The following LAMB3 variants were observed in gnomAD, a reference collection of about 807,000 sequenced individuals.
The protein encoded by LAMB3 is laminin subunit beta 3.
In LAMB3, 104 loss-of-function variants were observed where a neutral mutation model predicts 140.3. That is an observed-to-expected ratio of 0.74 (90% CI 0.63 to 0.87). The LOEUF (loss-of-function observed/expected upper bound fraction) is 0.87. Ranked by LOEUF, LAMB3 falls within the 40% of genes least tolerant of loss-of-function variation. LAMB3 has a pLI of 0.00. For synonymous variants in LAMB3, 592 were observed against 602.9 expected (o/e 0.98, Z 0.26); for missense variants, 1,531 against 1,575.2 (o/e 0.97, Z 0.47).
rs1425157266 is a variant in LAMB3 at position 209,638,633 on chromosome 1, A to G, written c.199T>C (p.Cys67Arg). Residue 67 changes from cysteine (C) to arginine (R), a missense_variant, in exon 4 of 23, where the codon TGC (cysteine) becomes CGC (arginine). Transcript: ENST00000356082. ...TQYGEWQMKC[C>R]KCDSRQPHNY... is the part of the protein sequence containing the mutation. Reference sequence around the variant, plus strand: ...TGAGGCTGCCTGGAGTCACACTTGCAGCATTTCATCTGCCACTGTGGGAGA... The same window carrying G: ...TGAGGCTGCCTGGAGTCACACTTGCGGCATTTCATCTGCCACTGTGGGAGA... 10 of 1,612,986 alleles carry G rather than the reference A, an allele frequency of 6.2e-6. No homozygotes were observed. The highest frequency in any genetic ancestry group is 8.5e-6 in the Non-Finnish European group (10 of 1,179,066).
Position 209,650,958 on chromosome 1 carries a change from G to T in LAMB3, c.-14C>A, listed in dbSNP as rs369316294. ...GAATGGTCTCATCTTCAGCCAATGG[G>T]GTGATCCCCAGAAAGGACCTTTCCT... On this transcript the variant is annotated 5_prime_UTR_variant, in exon 2 of 23. Transcript: ENST00000356082. 94 of 1,613,902 alleles carry T rather than the reference G, an allele frequency of 5.8e-5. No homozygotes were observed. Among genetic ancestry groups the T allele is most frequent in the Non-Finnish European group, 7.5e-5 (88 of 1,179,894 alleles).
At chr1:209,651,310 G>C (rs1461885372) in intron 1 of LAMB3, 1 of 320,982 alleles carries the variant, frequency 3.1e-6, no homozygotes, top group African/African-American at 2.1e-5. Flanking sequence ...AGCAGGAAAA[G>C]GCTGGACCCT....
intron 2 of LAMB3, among the ~76,000 whole-genome samples, chr1:209,650,363 G>A (rs1558170707): frequency 6.6e-6 from 1 of 152,204 alleles, no homozygotes; most frequent in Non-Finnish European, 1.5e-5. Context: ...AAAAACCATA[G>A]ATGACCCTAA....
At position 209,627,339 on chromosome 1, in the gene LAMB3, C is replaced by T; in HGVS notation, c.1485+44G>A. Reference sequence around the variant, plus strand: ...CAGCAGAGAGGCTGGTGCTCAGGACCCCCCTCCCACTGAGGGGGCCCCCGG... The same window carrying T: ...CAGCAGAGAGGCTGGTGCTCAGGACTCCCCTCCCACTGAGGGGGCCCCCGG... On this transcript the variant is annotated intron_variant, in intron 12 of 22. Transcript: ENST00000356082. 3 of 1,525,706 alleles carry T rather than the reference C, an allele frequency of 2.0e-6. No individual in the cohort carries two copies. In the South Asian group the frequency reaches 3.4e-5, roughly 17 times the overall value. 94.5% of individuals were successfully genotyped at this position (1,525,706 alleles called of 1,614,324 possible).
At chr1:209,630,854 C>T (rs1666662681) in intron 8 of LAMB3, 119 bp from the exon 9 acceptor site, 1 of 1,183,558 alleles carries the variant, frequency 8.4e-7, no homozygotes. Context: ...GATCCCAACC[C>T]TTCCAGGAAG....
rs536670980 is a variant in LAMB3, at chr1:209,624,717, A to T, written c.1977-717T>A. 6.6e-5 allele frequency among the ~76,000 whole-genome samples: 10 copies of T among 152,274 alleles called. No individual in the cohort carries two copies. In the South Asian group the frequency reaches 2.1e-3, roughly 32 times the overall value. ...TGTGAAGCCTGCCATGACACATTAT[A>T]ACATGCGTCACATTATAGTTTACCA... On this transcript the variant is annotated intron_variant, in intron 14 of 22. Coordinates refer to ENST00000356082, the MANE Select transcript of LAMB3 (RefSeq NM_000228.3).
intron 18 of LAMB3, among the ~76,000 whole-genome samples, chr1:209,619,273 G>A (rs1315834145): frequency 6.6e-6 from 1 of 152,132 alleles, no homozygotes. Context: ...CCACCCATGT[G>A]CCAAACACTG....
rs1253211334 is a variant in LAMB3, at chr1:209,652,411, G to T, written c.-80C>A. The T allele has an allele frequency of 1.3e-5, 2 of 152,332 alleles. No homozygotes were observed. Among genetic ancestry groups the T allele is most frequent in the African/African-American group, 4.8e-5 (2 of 41,464 alleles). 9.4% of individuals were successfully genotyped at this position (152,332 alleles called of 1,614,324 possible). On this transcript the variant is annotated 5_prime_UTR_variant, in exon 1 of 23. Transcript: ENST00000356082. ...CGTTCTTTCTCCAGATCGCCTGAAA[G>T]CTCCTCTTGAATGTGGGGGTCTCCC...
chr1:209,646,167 A>G (rs2076516148), intron 3 of LAMB3, among the ~76,000 whole-genome samples: 1 of 152,176 alleles, frequency 6.6e-6, no homozygotes, highest in Admixed American at 6.5e-5. Context: ...TGGAGGAGAC[A>G]TTGTCGGGAG....
At chr1:209,615,782 T>G (rs1294835476) in intron 22 of LAMB3, among the ~76,000 whole-genome samples, 1 of 152,240 alleles carries the variant, frequency 6.6e-6, no homozygotes, top group Admixed American at 6.5e-5. Flanking sequence ...GGAACCCTTT[T>G]GAAAGCTACT....
Position 209,638,001 on chromosome 1 carries a change from A to T in LAMB3, c.299-20T>A, listed in dbSNP as rs759841329. ...TCACATCTGGAAGGACAAAAAATAG[A>T]AACTGTCATCCAGAGACTGTCCACT... On this transcript the variant is annotated intron_variant, in intron 4 of 22. Transcript: ENST00000356082. The T allele has an allele frequency of 6.2e-7, 1 of 1,601,856 alleles. No individual in the cohort carries two copies. Among genetic ancestry groups the T allele is most frequent in the East Asian group, 2.2e-5 (1 of 44,738 alleles).
chr1:209,645,152 C>T (rs2076504736), intron 3 of LAMB3, among the ~76,000 whole-genome samples: 1 of 152,176 alleles, frequency 6.6e-6, no homozygotes, highest in Non-Finnish European at 1.5e-5. Flanking sequence ...GCAATTTTTC[C>T]CTACAATGTC....
Position 209,617,581 on chromosome 1 carries a change from C to G in LAMB3, c.3057G>C (p.Gln1019His). 1 of 1,613,880 alleles carries G rather than the reference C, an allele frequency of 6.2e-7. No individual in the cohort carries two copies. The highest frequency in any genetic ancestry group is 8.5e-7 in the Non-Finnish European group (1 of 1,179,982). ...RLIQDRVAEV[Q>H]QVLRPAEKLV... ...GCTTTTCTGCTGGCCGCAGTACCTG[C>G]TGAACCTTTGTGGAAAGAGGGAGAT... Residue 1019 changes from glutamine to histidine, a missense_variant, in exon 21 of 23, where the codon CAG becomes CAC. By Grantham distance (24) the Gln-to-His change is conservative. Coordinates refer to ENST00000356082, the MANE Select transcript of LAMB3 (RefSeq NM_000228.3).
At chr1:209,642,539 G>A (rs957502393) in intron 3 of LAMB3, among the ~76,000 whole-genome samples, 14 of 152,120 alleles carry the variant, frequency 9.2e-5, no homozygotes, top group East Asian at 5.8e-4. Flanking sequence ...GTGCAGTGCC[G>A]CGATCTCTGC....
rs528873916 is a variant in LAMB3 at position 209,634,535 on chromosome 1, C to T, written c.476G>A (p.Arg159Gln). 162 of 1,614,098 alleles carry T rather than the reference C, an allele frequency of 1.0e-4. No individual in the cohort carries two copies. The highest frequency in any genetic ancestry group is 6.6e-4 in the Middle Eastern group (4 of 6,062). Residue 159 changes from arginine (R) to glutamine (Q), a missense_variant, in exon 6 of 23, where the codon CGG becomes CAG. Arg to Gln is a conservative substitution (Grantham distance 43). Transcript: ENST00000356082. ...LAADCTSTFPRVRQGRPQSWQ... is the reference protein window; with the variant it reads ...LAADCTSTFPQVRQGRPQSWQ... Reference sequence around the variant, plus strand: ...GCTCTGAGGCCGACCCTGGCGGACCCGAGGGAAGGTGGAGGTGCAGTCGGC... The same window carrying T: ...GCTCTGAGGCCGACCCTGGCGGACCTGAGGGAAGGTGGAGGTGCAGTCGGC...
chr1:209,647,326 T>G (rs1368850418), intron 3 of LAMB3, among the ~76,000 whole-genome samples: 1 of 152,110 alleles, frequency 6.6e-6, no homozygotes, highest in East Asian at 1.9e-4. Flanking sequence ...GAGAGACAAT[T>G]TTGGAACTAA....
chr1:209,627,383 C>G lies in LAMB3; in HGVS notation c.1485G>C (p.Gln495His), dbSNP rs970445633. 2.5e-6 allele frequency: 4 copies of G among 1,610,602 alleles called. No homozygotes were observed. Among genetic ancestry groups the G allele is most frequent in the Non-Finnish European group, 3.4e-6 (4 of 1,177,530 alleles). ...PHNSLSPQCN[Q>H]FTGQCPCREG... ...CCCCCGGACCACCCTCACTTCGTAC[C>G]TGGTTGCACTGTGGGCTGAGGGAGT... is the stretch of plus-strand genomic sequence containing the variant. Residue 495 changes from glutamine (Q) to histidine (H), a missense_variant and splice_region_variant, in exon 12 of 23, where the codon CAG (glutamine) becomes CAC (histidine). Transcript: ENST00000356082.
At chr1:209,635,001 T>C (rs1666848213) in intron 5 of LAMB3, among the ~76,000 whole-genome samples, 1 of 151,490 alleles carries the variant, frequency 6.6e-6, no homozygotes, top group Admixed American at 6.6e-5. Context: ...GCCTCCTCTG[T>C]CATGGCCCTC....
chr1:209,620,676 T>C (rs1036082463), intron 18 of LAMB3, among the ~76,000 whole-genome samples: 2 of 152,280 alleles, frequency 1.3e-5, no homozygotes, highest in African/African-American at 4.8e-5. Flanking sequence ...GTGCCTAGAT[T>C]ACTTGTGTGC....
Sources: gnomAD v4.1 joint callset for allele counts (sites outside exome capture counted in the v4.1 genomes callset) on GRCh38, gnomAD v4.1.1 for gene constraint, MANE v1.5 for transcripts, NCBI Gene and HGNC (gene_info 2026-07-23, HGNC 2026-07-21) for gene names.